Variants in C8orf34 observed in about 807,000 individuals in gnomAD.
C8orf34 encodes uncharacterized protein C8orf34.
A neutral mutation model predicts 68.3 loss-of-function variants in C8orf34; 65 were observed. The ratio of observed to expected loss-of-function variants is 0.95; its 90% confidence interval spans 0.78 to 1.17. C8orf34 has a LOEUF of 1.17. Ranked by LOEUF, C8orf34 falls within the 50% of genes most tolerant of loss-of-function variation. The pLI is 0.00. For synonymous variants in C8orf34, 244 were observed against 241.2 expected (o/e 1.01, Z -0.11); for missense variants, 664 against 655.4 (o/e 1.01, Z -0.14).
chr8:68,770,690 A>AT (rs1212306642), intron 10 of C8orf34, among the ~76,000 whole-genome samples: 3 of 152,022 alleles, frequency 2.0e-5, no homozygotes, highest in Non-Finnish European at 4.4e-5. Flanking sequence ...AAACGGCTTT[A>AT]TTTTTTTTCA....
intron 11 of C8orf34, among the ~76,000 whole-genome samples, chr8:68,779,671 C>T (rs1823620924): frequency 6.6e-6 from 1 of 152,060 alleles, no homozygotes; most frequent in African/African-American, 2.4e-5. Flanking sequence ...GTATTCTGCT[C>T]TCTGTGGTGT....
intron 8 of C8orf34, among the ~76,000 whole-genome samples, chr8:68,662,126 G>A (rs1449528614): frequency 2.0e-5 from 3 of 152,080 alleles, no homozygotes; most frequent in African/African-American, 4.8e-5. Context: ...GGGCTTTGGC[G>A]GGAAAGTGGC....
chr8:68,598,130 A>G (rs1307183906), intron 7 of C8orf34, among the ~76,000 whole-genome samples: 1 of 152,126 alleles, frequency 6.6e-6, no homozygotes, highest in African/African-American at 2.4e-5. Context: ...TATCAATGAA[A>G]ATGAACAATG....
intron 7 of C8orf34, among the ~76,000 whole-genome samples, chr8:68,547,692 T>C (rs952976733): frequency 6.6e-6 from 1 of 151,794 alleles, no homozygotes; most frequent in African/African-American, 2.4e-5. Flanking sequence ...GCTTAGAAAG[T>C]TGACATTCAA....
chr8:68,444,106 G>A (rs1023493574), intron 2 of C8orf34, among the ~76,000 whole-genome samples: 12 of 151,936 alleles, frequency 7.9e-5, no homozygotes, highest in African/African-American at 1.5e-4. Flanking sequence ...CTTTTAGAGA[G>A]GTGTATCAAG....
At chr8:68,726,725 T>C (rs1310398973) in intron 10 of C8orf34, among the ~76,000 whole-genome samples, 2 of 152,150 alleles carry the variant, frequency 1.3e-5, no homozygotes, top group Non-Finnish European at 2.9e-5. Context: ...ACTTCTTGCA[T>C]GGCAGCAGAG....
chr8:68,736,960 ATTTAAGTT>A (rs1260177007), intron 10 of C8orf34, among the ~76,000 whole-genome samples: 1 of 152,100 alleles, frequency 6.6e-6, no homozygotes, highest in African/African-American at 2.4e-5. Context: ...CTCTTTAGAA[ATTTAAGTT>A]TTTATCTAAC....
At chr8:68,707,524 A>T (rs573358709) in intron 8 of C8orf34, among the ~76,000 whole-genome samples, 1 of 152,142 alleles carries the variant, frequency 6.6e-6, no homozygotes, top group Admixed American at 6.5e-5. Context: ...CTATTTTAAG[A>T]TCTTGCTTCT....
At chr8:68,515,767 A>G (rs1340550802) in intron 5 of C8orf34, among the ~76,000 whole-genome samples, 1 of 152,238 alleles carries the variant, frequency 6.6e-6, no homozygotes, top group Non-Finnish European at 1.5e-5. Flanking sequence ...TTAAGTAAAT[A>G]TCATTAAAGA....
At chr8:68,582,684 A>G (rs1270528615) in intron 7 of C8orf34, among the ~76,000 whole-genome samples, 3 of 151,948 alleles carry the variant, frequency 2.0e-5, no homozygotes, top group African/African-American at 7.2e-5. Flanking sequence ...TATTTTAGGT[A>G]TTACTCGTTT....
rs181851559 is a variant in C8orf34 at position 68,688,924 on chromosome 8, A to T, written c.1242-20070A>T. Among the ~76,000 whole-genome samples, 229 of 152,236 alleles carry T rather than the reference A, an allele frequency of 1.5e-3. 2 individuals carry two copies. Among genetic ancestry groups the T allele is most frequent in the African/African-American group, 5.1e-3 (213 of 41,570 alleles). ...GGGTTGATAGGTGCAGCAAACCATC[A>T]TGACACACATTTACCTATGTAATGA... On this transcript the variant is annotated intron_variant, in intron 8 of 13. Coordinates refer to ENST00000518698, the MANE Select transcript of C8orf34 (RefSeq NM_052958.4).
chr8:68,656,340 C>T (rs1819510136), intron 8 of C8orf34, among the ~76,000 whole-genome samples: 1 of 152,158 alleles, frequency 6.6e-6, no homozygotes, highest in Non-Finnish European at 1.5e-5. Flanking sequence ...AGTACTTTCA[C>T]AGACATTAAT....
chr8:68,513,647 C>G (rs1166507480), intron 5 of C8orf34, among the ~76,000 whole-genome samples: 1 of 152,190 alleles, frequency 6.6e-6, no homozygotes, highest in Non-Finnish European at 1.5e-5. Flanking sequence ...GGTGAAGAAC[C>G]TTTTATTCTT....
intron 10 of C8orf34, among the ~76,000 whole-genome samples, chr8:68,772,947 A>C: frequency 7.0e-6 from 1 of 142,984 alleles, no homozygotes; most frequent in Non-Finnish European, 1.5e-5. Context: ...CCTCCTTCAC[A>C]TGCTCCTGTC....
At chr8:68,380,962 A>G (rs2129620197) in intron 1 of C8orf34, among the ~76,000 whole-genome samples, 2 of 152,352 alleles carry the variant, frequency 1.3e-5, no homozygotes, top group South Asian at 4.1e-4. Context: ...GATAAAATAT[A>G]AGCAAAAAAA....
At chr8:68,375,841 G>T (rs1038976208) in intron 1 of C8orf34, among the ~76,000 whole-genome samples, 1 of 152,162 alleles carries the variant, frequency 6.6e-6, no homozygotes, top group Admixed American at 6.5e-5. Flanking sequence ...ACTTGAAGAC[G>T]TAGATGCATA....
At chr8:68,616,721 A>G (rs1409032313) in intron 7 of C8orf34, among the ~76,000 whole-genome samples, 3 of 152,034 alleles carry the variant, frequency 2.0e-5, no homozygotes, top group African/African-American at 7.2e-5. Context: ...TATGTGGTCA[A>G]TTTTGGAATA....
chr8:68,753,252 A>G (rs1822756816), intron 10 of C8orf34, among the ~76,000 whole-genome samples: 1 of 152,208 alleles, frequency 6.6e-6, no homozygotes, highest in South Asian at 2.1e-4. Context: ...ATTAAATTTA[A>G]TACACAACTT....
At chr8:68,807,244 CT>C (rs1180703097) in intron 12 of C8orf34, among the ~76,000 whole-genome samples, 3 of 152,178 alleles carry the variant, frequency 2.0e-5, no homozygotes, top group Non-Finnish European at 4.4e-5. Context: ...GGTTCTACCA[CT>C]TGGGAAAACA....
Sources: gnomAD v4.1 joint callset for allele counts (sites outside exome capture counted in the v4.1 genomes callset) on GRCh38, gnomAD v4.1.1 for gene constraint, MANE v1.5 for transcripts, NCBI Gene and HGNC (gene_info 2026-07-23, HGNC 2026-07-21) for gene names.